The following UBE2F variants were observed in gnomAD, a reference collection of about 807,000 sequenced individuals.
The protein encoded by UBE2F is ubiquitin conjugating enzyme E2 F (putative), also known as NEDD8-conjugating enzyme UBE2F.
A neutral mutation model predicts 29.6 loss-of-function variants in UBE2F; 5 were observed. The ratio of observed to expected loss-of-function variants is 0.17; its 90% CI spans 0.09 to 0.36. The LOEUF (loss-of-function observed/expected upper bound fraction) is 0.36. Ranked by LOEUF, UBE2F falls within the 10% of genes least tolerant of loss-of-function variation. The pLI, the probability that UBE2F is intolerant of heterozygous loss-of-function variation, is 1.00. For synonymous variants in UBE2F, 66 were observed against 81.8 expected (o/e 0.81, Z 1.04); for missense variants, 141 against 228.5 (o/e 0.62, Z 2.47).
intron 5 of UBE2F, among the ~76,000 whole-genome samples, chr2:238,018,342 C>G (rs6431571): frequency 0.86 from 130,750 of 152,246 alleles, 56,303 homozygotes; most frequent in East Asian, 0.97. Flanking sequence ...GGAGTTAAGT[C>G]TAAGCTGATA....
At position 237,967,476 on chromosome 2, in the gene UBE2F, C is replaced by G. The variant is rs1184582009; in HGVS notation, c.-17+344C>G. Among the ~76,000 whole-genome samples the G allele has an allele frequency of 6.6e-6, 1 of 152,060 alleles. No individual in the cohort carries two copies. Among genetic ancestry groups the G allele is most frequent in the African/African-American group, 2.4e-5 (1 of 41,440 alleles). ...GGCCCTGGGCCGAGCGTGGCACAGACCTGGCCGCGCTCACGCCCCACTCGC... is the reference window on the plus strand; with the variant it reads ...GGCCCTGGGCCGAGCGTGGCACAGAGCTGGCCGCGCTCACGCCCCACTCGC... On this transcript the variant is annotated intron_variant, in intron 1 of 9. Transcript: ENST00000272930. This position sits in a 1 kb window ranked among gnomAD's most constrained non-coding sequence, Gnocchi z 6.3.
chr2:237,999,836 T>G (rs1384607410), intron 4 of UBE2F, among the ~76,000 whole-genome samples: 7 of 81,600 alleles, frequency 8.6e-5, no homozygotes, highest in Non-Finnish European at 1.6e-4. Flanking sequence ...TTTTTTTTTT[T>G]TTTTTTGAGA....
chr2:237,985,089 C>T lies in UBE2F; in HGVS notation c.119-2874C>T, dbSNP rs572526142. Among the ~76,000 whole-genome samples the T allele has an allele frequency of 3.4e-4, 51 of 152,236 alleles. 1 individual carries two copies. In the East Asian group the frequency reaches 6.7e-3, roughly 20 times the overall value. ...CCTGAAGCAATCCTCCTGCCTCGGC[C>T]TCCCAAAGCACTGGGATTACAGGCA... On this transcript the variant is annotated intron_variant, in intron 2 of 9. Coordinates refer to ENST00000272930, the MANE Select transcript of UBE2F (RefSeq NM_080678.3).
chr2:237,969,340 G>A (rs1287045805), intron 1 of UBE2F, among the ~76,000 whole-genome samples: 1 of 152,072 alleles, frequency 6.6e-6, no homozygotes, highest in South Asian at 2.1e-4. Flanking sequence ...GTTGGCCTTT[G>A]AGTGCATGAA....
chr2:238,009,107 G>A (rs1428758412), intron 4 of UBE2F, among the ~76,000 whole-genome samples: 1 of 152,222 alleles, frequency 6.6e-6, no homozygotes, highest in East Asian at 1.9e-4. Flanking sequence ...GTGATTCTTT[G>A]TTCCACTTTA....
intron 6 of UBE2F, among the ~76,000 whole-genome samples, 186 bp downstream of exon 6, chr2:238,025,598 G>T (rs1474786526): frequency 6.6e-6 from 1 of 152,168 alleles, no homozygotes. Flanking sequence ...TCTGCCTCCA[G>T]ACGAGTGTCT....
intron 2 of UBE2F, among the ~76,000 whole-genome samples, chr2:237,985,551 A>G (rs1378287765): frequency 2.6e-5 from 4 of 152,244 alleles, no homozygotes; most frequent in African/African-American, 4.8e-5. Flanking sequence ...AAGGCTGAAC[A>G]ATGTTCCAAC....
intron 8 of UBE2F, among the ~76,000 whole-genome samples, chr2:238,033,120 G>T (rs1427961242): frequency 1.3e-5 from 2 of 152,334 alleles, no homozygotes; most frequent in East Asian, 3.9e-4. Context: ...TCTGGTTGGG[G>T]TGGATGATTT....
chr2:238,020,471 A>G (rs1170329103), intron 5 of UBE2F, among the ~76,000 whole-genome samples: 1 of 152,186 alleles, frequency 6.6e-6, no homozygotes. Context: ...CTCAGGGTGC[A>G]TCTGCTTCAC....
chr2:238,030,985 G>A (rs985118772), intron 7 of UBE2F, among the ~76,000 whole-genome samples: 18 of 152,228 alleles, frequency 1.2e-4, no homozygotes, highest in Admixed American at 1.2e-3. Flanking sequence ...GCAAATTGAT[G>A]TGCAAACCAC....
intron 4 of UBE2F, among the ~76,000 whole-genome samples, chr2:237,997,708 C>G (rs955183775): frequency 3.3e-5 from 5 of 152,198 alleles, no homozygotes; most frequent in African/African-American, 1.2e-4. Context: ...TCAGCTCACA[C>G]CTCTTTATCT....
At chr2:238,020,114 A>C (rs2064258714) in intron 5 of UBE2F, among the ~76,000 whole-genome samples, 1 of 152,114 alleles carries the variant, frequency 6.6e-6, no homozygotes, top group African/African-American at 2.4e-5. Context: ...AAGTAGTTGC[A>C]TTTGCCATAT....
chr2:237,994,881 T>A, intron 4 of UBE2F, 72 bp downstream of exon 4: 2 of 1,213,922 alleles, frequency 1.6e-6, no homozygotes, highest in Non-Finnish European at 2.4e-6. Flanking sequence ...CCTGTAATCT[T>A]TGCTTTGGTT....
intron 2 of UBE2F, among the ~76,000 whole-genome samples, chr2:237,981,452 T>C (rs1469642663): frequency 2.0e-5 from 3 of 151,998 alleles, no homozygotes; most frequent in Non-Finnish European, 2.9e-5. Context: ...ATTGTAGTCC[T>C]TGCTTGCACT....
At chr2:237,999,277 C>T (rs2063746780) in intron 4 of UBE2F, among the ~76,000 whole-genome samples, 1 of 152,074 alleles carries the variant, frequency 6.6e-6, no homozygotes, top group South Asian at 2.1e-4. Context: ...GCTGTGTTGG[C>T]CAGGATGGTC....
chr2:238,027,922 C>T (rs2064471897), intron 6 of UBE2F, among the ~76,000 whole-genome samples: 1 of 152,218 alleles, frequency 6.6e-6, no homozygotes, highest in South Asian at 2.1e-4. Context: ...CGGCAGGGAC[C>T]CTTCGCCTGC....
At chr2:237,980,293 C>T (rs1443369788) in intron 2 of UBE2F, among the ~76,000 whole-genome samples, 1 of 152,130 alleles carries the variant, frequency 6.6e-6, no homozygotes, top group Non-Finnish European at 1.5e-5. Context: ...GCTGCTGTAA[C>T]AAAGGACCAT....
chr2:237,995,046 A>G (rs1029002076), intron 4 of UBE2F, among the ~76,000 whole-genome samples: 1 of 152,254 alleles, frequency 6.6e-6, no homozygotes, highest in Non-Finnish European at 1.5e-5. Flanking sequence ...ACTAAAGTTA[A>G]TGACAGCTGA....
At chr2:238,035,199 C>T (rs1224193442) in intron 8 of UBE2F, 1 of 152,358 alleles carries the variant, frequency 6.6e-6, no homozygotes, top group Non-Finnish European at 1.5e-5. Context: ...GCCAGGCAAG[C>T]CCCCTGATTC....
Sources: allele counts gnomAD v4.1 joint callset (sites outside exome capture counted in the v4.1 genomes callset), GRCh38; gene constraint gnomAD v4.1.1; non-coding constraint Gnocchi (gnomAD v3.1); transcripts MANE v1.5; gene names NCBI Gene and HGNC (gene_info 2026-07-23, HGNC 2026-07-21).